NAALADL2: variants seen among roughly 807,000 people sequenced by gnomAD.
The protein encoded by NAALADL2 is N-acetylated alpha-linked acidic dipeptidase like 2, also known as inactive N-acetylated-alpha-linked acidic dipeptidase-like protein 2.
NAALADL2 carries 76 observed loss-of-function variants against 87.2 expected under a neutral mutation model. That is an observed-to-expected ratio of 0.87 (90% CI 0.72 to 1.05). The LOEUF (loss-of-function observed/expected upper bound fraction) is 1.05, where lower values mean the gene tolerates loss of function less well. Ranked by LOEUF, NAALADL2 falls within the 50% of genes least tolerant of loss-of-function variation. The probability of loss-of-function intolerance (pLI) is 0.00; values close to 1 mark genes in which losing one functional copy is unlikely to be tolerated. For missense variants in NAALADL2, 1,089 were observed against 945.8 expected, an observed-to-expected ratio of 1.15 and a Z score of -1.99; for synonymous variants, 354 against 331.0, an observed-to-expected ratio of 1.07 and a Z score of -0.75.
chr3:174,544,099 A>C (rs1428883270), intron 1 of NAALADL2, among the ~76,000 whole-genome samples: 1 of 151,716 alleles, frequency 6.6e-6, no homozygotes, highest in African/African-American at 2.4e-5. Flanking sequence ...CATTCTTCCC[A>C]CCCCAATCCA....
In NAALADL2 at chr3:174,893,733, C is replaced by T. The variant is rs548113604; in HGVS notation, c.43+34283C>T. ...AGATAGAATGAGTACACAAAAAATA[C>T]AAAGCAGGAAACTAAATTATATCAC... On this transcript the variant is annotated intron_variant, in intron 1 of 13. Coordinates refer to ENST00000454872, the MANE Select transcript of NAALADL2 (RefSeq NM_207015.3). 3.3e-5 allele frequency among the ~76,000 whole-genome samples: 5 copies of T among 152,094 alleles called. No individual in the cohort carries two copies. In the South Asian group the frequency reaches 1.0e-3, roughly 32 times the overall value.
At chr3:175,689,019 C>T (rs1736690340) in intron 11 of NAALADL2, among the ~76,000 whole-genome samples, 1 of 152,038 alleles carries the variant, frequency 6.6e-6, no homozygotes, top group Admixed American at 6.6e-5. Flanking sequence ...ATGATCAGGC[C>T]TAAAACATCA....
intron 1 of NAALADL2, among the ~76,000 whole-genome samples, chr3:174,959,062 T>G (rs1445258340): frequency 2.6e-5 from 4 of 152,046 alleles, no homozygotes; most frequent in Non-Finnish European, 5.9e-5. Context: ...GTGAAATGAA[T>G]TTGGTGGACA....
At chr3:175,667,151 GAGAGAAAGAAAAAGAAAGAAAGAA>G (rs2149828792) in intron 11 of NAALADL2, among the ~76,000 whole-genome samples, 1 of 140,808 alleles carries the variant, frequency 7.1e-6, no homozygotes, top group African/African-American at 2.7e-5. Context: ...AAGAGAGAGA[GAGAGAAAGAAAAAGAAAGAAAGAA>G]AGAAAGAGAA....
At chr3:174,484,135 T>C (rs1342116674) in intron 1 of NAALADL2, among the ~76,000 whole-genome samples, 1 of 151,372 alleles carries the variant, frequency 6.6e-6, no homozygotes, top group East Asian at 1.9e-4. Context: ...TACATTATGG[T>C]ATAGCTCCTA....
chr3:175,059,569 C>G, intron 1 of NAALADL2: 1 of 303,916 alleles, frequency 3.3e-6, no homozygotes, highest in Non-Finnish European at 6.3e-6. Flanking sequence ...CTAGTTTTGC[C>G]ATATCTGCCA....
At chr3:175,323,412 G>A (rs545787063) in intron 4 of NAALADL2, among the ~76,000 whole-genome samples, 25 of 150,078 alleles carry the variant, frequency 1.7e-4, no homozygotes, top group South Asian at 4.3e-4. Flanking sequence ...TGGGTGCAGC[G>A]CAGCAGCATG....
chr3:175,636,713 A>AT (rs1728613655), intron 11 of NAALADL2, among the ~76,000 whole-genome samples: 1 of 151,210 alleles, frequency 6.6e-6, no homozygotes, highest in Admixed American at 6.6e-5. Flanking sequence ...AAAAAAAAAA[A>AT]AGAAAAAAAA....
chr3:174,942,541 A>G (rs958411123), intron 1 of NAALADL2, among the ~76,000 whole-genome samples: 5 of 151,922 alleles, frequency 3.3e-5, no homozygotes, highest in African/African-American at 9.7e-5. Context: ...AGACTCTTGC[A>G]GGAGTTTTCT....
chr3:175,189,477 A>G (rs1560138862), intron 2 of NAALADL2, among the ~76,000 whole-genome samples: 1 of 152,224 alleles, frequency 6.6e-6, no homozygotes. Flanking sequence ...AATTCTATAT[A>G]TAATCATCAA....
At chr3:174,881,405 A>G (rs184997505) in intron 1 of NAALADL2, among the ~76,000 whole-genome samples, 6 of 152,204 alleles carry the variant, frequency 3.9e-5, no homozygotes, top group Admixed American at 2.0e-4. Context: ...CAATAGCCTC[A>G]ATAGGGCTTG....
chr3:175,379,258 T>A (rs1214442158), intron 5 of NAALADL2, among the ~76,000 whole-genome samples: 1 of 151,876 alleles, frequency 6.6e-6, no homozygotes, highest in Non-Finnish European at 1.5e-5. Context: ...AGGCATGTTG[T>A]GAAAAATAAA....
At chr3:174,971,645 C>A (rs1743657564) in intron 1 of NAALADL2, among the ~76,000 whole-genome samples, 1 of 150,728 alleles carries the variant, frequency 6.6e-6, no homozygotes, top group Non-Finnish European at 1.5e-5. Flanking sequence ...GCCTTCAACT[C>A]AAACAGTCAG....
At chr3:174,611,487 C>A (rs938614517) in intron 2 of NAALADL2, among the ~76,000 whole-genome samples, 2 of 152,018 alleles carry the variant, frequency 1.3e-5, no homozygotes, top group African/African-American at 4.8e-5. Context: ...TTTCTAATTA[C>A]GGTAGGAATA....
At chr3:174,793,676 A>G (rs1717730268) in intron 3 of NAALADL2, among the ~76,000 whole-genome samples, 1 of 152,154 alleles carries the variant, frequency 6.6e-6, no homozygotes, top group Admixed American at 6.6e-5. Flanking sequence ...TCTAAGTTTC[A>G]TTAAAAATCC....
At chr3:174,462,900 A>G (rs1716297687) in intron 1 of NAALADL2, among the ~76,000 whole-genome samples, 1 of 152,216 alleles carries the variant, frequency 6.6e-6, no homozygotes, top group Non-Finnish European at 1.5e-5. Context: ...TAATTCAGTA[A>G]TCCTCTTTGC....
intron 1 of NAALADL2, among the ~76,000 whole-genome samples, chr3:174,957,642 A>G (rs1157390657): frequency 6.6e-6 from 1 of 151,870 alleles, no homozygotes; most frequent in Non-Finnish European, 1.5e-5. Context: ...TCCAAGAAAC[A>G]TTCCATTGAC....
At chr3:175,580,688 G>A (rs77375242) in intron 10 of NAALADL2, among the ~76,000 whole-genome samples, 1,777 of 152,244 alleles carry the variant, frequency 0.012, 29 homozygotes, top group African/African-American at 0.038. Context: ...TGTGCCAGTT[G>A]TAAACAAGAT....
intron 1 of NAALADL2, among the ~76,000 whole-genome samples, chr3:175,030,575 A>G (rs1189891119): frequency 6.6e-6 from 1 of 152,088 alleles, no homozygotes; most frequent in Admixed American, 6.6e-5. Context: ...CCAAGAGCAC[A>G]GCCAAGAGTT....
Sources: gnomAD v4.1 joint callset for allele counts (sites outside exome capture counted in the v4.1 genomes callset) on GRCh38, gnomAD v4.1.1 for gene constraint, MANE v1.5 for transcripts, NCBI Gene and HGNC (gene_info 2026-07-23, HGNC 2026-07-21) for gene names.